PACRG: variants seen among roughly 807,000 people sequenced by gnomAD.
PACRG encodes parkin coregulated gene protein.
A neutral mutation model predicts 29.7 loss-of-function variants in PACRG; 29 were observed. The ratio of observed to expected loss-of-function variants is 0.98; its 90% CI spans 0.73 to 1.33. PACRG has a LOEUF of 1.33. Among genes scored for constraint, PACRG ranks in the 40% most tolerant of loss-of-function variants. The probability of loss-of-function intolerance (pLI) is 0.00; values close to 1 mark genes in which losing one functional copy is unlikely to be tolerated. For synonymous variants in PACRG, 116 were observed against 118.7 expected (o/e 0.98, Z 0.15); for missense variants, 279 against 316.2 (o/e 0.88, Z 0.89).
intron 2 of PACRG, among the ~76,000 whole-genome samples, chr6:163,052,298 T>C (rs1399037637): frequency 2.0e-5 from 3 of 152,192 alleles, no homozygotes; most frequent in Admixed American, 2.0e-4. Flanking sequence ...TTATACTTTT[T>C]CAGATTAATT....
At chr6:163,278,208 T>C (rs1430046463) in intron 4 of PACRG, among the ~76,000 whole-genome samples, 1 of 152,184 alleles carries the variant, frequency 6.6e-6, no homozygotes, top group East Asian at 1.9e-4. Flanking sequence ...TTCTGATTTG[T>C]TTGAGTTCTT....
At chr6:162,909,495 C>A (rs888219741) in intron 2 of PACRG, among the ~76,000 whole-genome samples, 1 of 141,364 alleles carries the variant, frequency 7.1e-6, no homozygotes, top group Non-Finnish European at 1.5e-5. Context: ...GCGGAGCTTG[C>A]AGTGAGCCAA....
At chr6:162,832,962 CTT>C (rs927133524) in intron 2 of PACRG, among the ~76,000 whole-genome samples, 2 of 151,688 alleles carry the variant, frequency 1.3e-5, no homozygotes, top group East Asian at 3.9e-4. Context: ...TTTTAAAAAT[CTT>C]TTTTATATAA....
At chr6:163,025,873 T>C (rs758898147) in intron 2 of PACRG, among the ~76,000 whole-genome samples, 6 of 152,172 alleles carry the variant, frequency 3.9e-5, no homozygotes, top group Non-Finnish European at 7.4e-5. Flanking sequence ...TGCAGATGAG[T>C]GTCCAGTTTA....
chr6:162,770,590 GCT>G (rs1248744636), intron 1 of PACRG, among the ~76,000 whole-genome samples: 1 of 152,008 alleles, frequency 6.6e-6, no homozygotes, highest in African/African-American at 2.4e-5. Flanking sequence ...GTTTTCAGAG[GCT>G]CTGTCACTCA....
At chr6:163,206,177 G>T (rs541701394) in intron 4 of PACRG, among the ~76,000 whole-genome samples, 5 of 152,236 alleles carry the variant, frequency 3.3e-5, no homozygotes, top group African/African-American at 9.6e-5. Flanking sequence ...ACTTAAAACA[G>T]AATTACCATT....
chr6:163,147,579 C>G (rs1373122226), intron 4 of PACRG, among the ~76,000 whole-genome samples: 2 of 152,160 alleles, frequency 1.3e-5, no homozygotes, highest in African/African-American at 4.8e-5. Context: ...ATTCACCAAT[C>G]TTGCCTTCAT....
At position 162,979,035 on chromosome 6, in the gene PACRG, T is replaced by C. The variant is rs910568145; in HGVS notation, c.292-83115T>C. ...TTATTTAATTAAAAGCAATTGTAAA[T>C]AAGTGCAAAACATATATTCGTTATA... On this transcript the variant is annotated intron_variant, in intron 2 of 4. Coordinates refer to ENST00000366888, the MANE Select transcript of PACRG (RefSeq NM_001080379.2). Among the ~76,000 whole-genome samples, 74 of 152,330 alleles carry C rather than the reference T, an allele frequency of 4.9e-4. 1 individual carries two copies. Among genetic ancestry groups the C allele is most frequent in the African/African-American group, 1.6e-3 (68 of 41,578 alleles).
At chr6:162,944,091 G>A (rs921829145) in intron 2 of PACRG, among the ~76,000 whole-genome samples, 4 of 152,072 alleles carry the variant, frequency 2.6e-5, no homozygotes, top group Admixed American at 1.3e-4. Context: ...TTCTTGGCCC[G>A]TCACTGCCAC....
At chr6:163,165,152 T>G (rs1010333709) in intron 4 of PACRG, among the ~76,000 whole-genome samples, 4 of 152,148 alleles carry the variant, frequency 2.6e-5, no homozygotes, top group Admixed American at 6.5e-5. Flanking sequence ...ACATACAGAA[T>G]GCAGACAAAA....
intron 2 of PACRG, among the ~76,000 whole-genome samples, chr6:162,989,731 T>TTC (rs1554327885): frequency 1.3e-5 from 2 of 151,430 alleles, no homozygotes; most frequent in Admixed American, 1.3e-4. Context: ...CCTTTTTTTT[T>TTC]TTTTCTTTTC....
intron 2 of PACRG, among the ~76,000 whole-genome samples, chr6:163,046,242 T>TC (rs1562863269): frequency 6.7e-6 from 1 of 150,314 alleles, no homozygotes; most frequent in African/African-American, 2.4e-5. Context: ...CTCATCAAAG[T>TC]CCCCCCATCC....
chr6:163,056,914 A>C (rs1810641831), intron 2 of PACRG, among the ~76,000 whole-genome samples: 1 of 152,214 alleles, frequency 6.6e-6, no homozygotes, highest in South Asian at 2.1e-4. Flanking sequence ...CTTTAGCAGC[A>C]GTGCTTTGGC....
chr6:162,865,333 T>G (rs965873617), intron 2 of PACRG, among the ~76,000 whole-genome samples: 1 of 152,188 alleles, frequency 6.6e-6, no homozygotes, highest in Non-Finnish European at 1.5e-5. Flanking sequence ...AATGATATAG[T>G]TCCACTGACT....
chr6:163,202,387 A>ATG (rs896786716), intron 4 of PACRG, among the ~76,000 whole-genome samples: 5 of 151,960 alleles, frequency 3.3e-5, no homozygotes, highest in African/African-American at 1.2e-4. Context: ...GTTTATGTGC[A>ATG]TGTGTGTGTG....
At chr6:162,997,221 T>C (rs1804148449) in intron 2 of PACRG, among the ~76,000 whole-genome samples, 1 of 152,172 alleles carries the variant, frequency 6.6e-6, no homozygotes, top group South Asian at 2.1e-4. Flanking sequence ...ATAGAGCAAA[T>C]CTACATAAGG....
chr6:163,195,603 G>T (rs1329442675), intron 4 of PACRG, among the ~76,000 whole-genome samples: 1 of 152,180 alleles, frequency 6.6e-6, no homozygotes, highest in African/African-American at 2.4e-5. Context: ...TGATAAGGGA[G>T]TGCAGGTAGG....
intron 4 of PACRG, among the ~76,000 whole-genome samples, chr6:163,120,766 C>T (rs576172669): frequency 6.6e-6 from 1 of 152,146 alleles, no homozygotes; most frequent in African/African-American, 2.4e-5. Flanking sequence ...TTGAGTCAGT[C>T]TCCATGGCAT....
intron 4 of PACRG, among the ~76,000 whole-genome samples, chr6:163,204,372 A>G (rs1201995152): frequency 6.6e-6 from 1 of 152,206 alleles, no homozygotes; most frequent in Non-Finnish European, 1.5e-5. Context: ...TCTAGATTAT[A>G]TGTGCCAATA....
Sources: allele counts gnomAD v4.1 joint callset (sites outside exome capture counted in the v4.1 genomes callset), GRCh38; gene constraint gnomAD v4.1.1; transcripts MANE v1.5; gene names NCBI Gene and HGNC (gene_info 2026-07-23, HGNC 2026-07-21).